Variants in ADCY9 observed in about 807,000 individuals in gnomAD.
ADCY9 encodes adenylate cyclase 9, also known as adenylate cyclase type 9.
In ADCY9, 50 loss-of-function variants were observed where a neutral mutation model predicts 101.5. The observed-to-expected ratio is 0.49, with a 90% CI of 0.39 to 0.62. The LOEUF (loss-of-function observed/expected upper bound fraction) is 0.62. Among genes scored for constraint, ADCY9 ranks in the 20% least tolerant of loss-of-function variants. The probability of loss-of-function intolerance (pLI) is 0.00; values close to 1 mark genes in which losing one functional copy is unlikely to be tolerated. For synonymous variants in ADCY9, 905 were observed against 769.3 expected (o/e 1.18, Z -2.92); for missense variants, 1,662 against 1,800.4 (o/e 0.92, Z 1.39).
rs762058083 is a variant in ADCY9, at chr16:4,115,099, C to T, written c.344G>A (p.Arg115Gln). The T allele has an allele frequency of 2.5e-6, 4 of 1,613,922 alleles. No homozygotes were observed. Among genetic ancestry groups the T allele is most frequent in the Non-Finnish European group, 3.4e-6 (4 of 1,180,038 alleles). Residue 115 changes from arginine to glutamine, a missense_variant, in exon 2 of 11, where the codon CGG becomes CAG. Arg to Gln is a conservative substitution (Grantham distance 43). Around this residue, in one of 5 missense-constraint regions of ADCY9, gnomAD observed 422 missense variants for 392.0 expected, o/e 1.08. Coordinates refer to ENST00000294016, the MANE Select transcript of ADCY9 (RefSeq NM_001116.4). The surrounding 1 kb of genome is among the most constrained non-coding windows in gnomAD (Gnocchi z 6.2). ...LERCFPQTQR[R>Q]FRYALFYIGF... Reference sequence around the variant, plus strand: ...GATGTAGAAGAGCGCATACCGGAACCGGCGCTGGGTCTGCGGGAAGCAGCG... The same window carrying T: ...GATGTAGAAGAGCGCATACCGGAACTGGCGCTGGGTCTGCGGGAAGCAGCG...
At chr16:3,971,471 G>A (rs1002850090) in intron 10 of ADCY9, among the ~76,000 whole-genome samples, 2 of 152,154 alleles carry the variant, frequency 1.3e-5, no homozygotes, top group Non-Finnish European at 2.9e-5. Context: ...AGTCCTCAGT[G>A]GGAAGACACC....
chr16:4,057,818 T>G (rs2056750192), intron 2 of ADCY9, among the ~76,000 whole-genome samples: 1 of 151,644 alleles, frequency 6.6e-6, no homozygotes, highest in Non-Finnish European at 1.5e-5. Flanking sequence ...GCTGCAAGAG[T>G]TGCTCCCAGC....
Position 4,114,386 on chromosome 16 carries a change from C to T in ADCY9, c.1057G>A (p.Glu353Lys), listed in dbSNP as rs369684993. Reference protein sequence around the residue: ...ADDLMKQGDEESENSVKRHAT... With the variant: ...ADDLMKQGDEKSENSVKRHAT... ...TGCCTCTTGACAGAATTCTCACTCT[C>T]CTCATCTCCCTGCTTCATTAAGTCA... The change falls in exon 2 of 11, where the codon GAG becomes AAG. Residue 353 changes from glutamate (E) to lysine (K), a missense_variant. Transcript: ENST00000294016. This position sits in a 1 kb window ranked among gnomAD's most constrained non-coding sequence, Gnocchi z 4.3. 20 of 1,613,968 alleles carry T rather than the reference C, an allele frequency of 1.2e-5. No individual in the cohort carries two copies. The African/African-American group carries it at 2.7e-4, about 22-fold the overall frequency.
chr16:4,078,104 T>C (rs1317322964), intron 2 of ADCY9, among the ~76,000 whole-genome samples: 3 of 152,032 alleles, frequency 2.0e-5, no homozygotes, highest in African/African-American at 7.2e-5. Flanking sequence ...TTAAACACAC[T>C]CATCATACAA....
intron 2 of ADCY9, among the ~76,000 whole-genome samples, chr16:4,039,269 C>T (rs1020001917): frequency 1.3e-5 from 2 of 152,198 alleles, no homozygotes; most frequent in Admixed American, 1.3e-4. Flanking sequence ...CTCAAACACC[C>T]ACCCCTTTCT....
intron 2 of ADCY9, among the ~76,000 whole-genome samples, chr16:4,065,368 A>G (rs1197649142): frequency 1.3e-5 from 2 of 152,210 alleles, no homozygotes; most frequent in East Asian, 3.8e-4. Flanking sequence ...TTCCTTTCAA[A>G]TACTTGATGC....
intron 2 of ADCY9, among the ~76,000 whole-genome samples, chr16:4,068,485 T>C (rs1033126806): frequency 2.6e-5 from 4 of 152,150 alleles, no homozygotes; most frequent in Non-Finnish European, 4.4e-5. Flanking sequence ...AATGAGATCA[T>C]GTTTTACATA....
chr16:4,088,298 T>G (rs1315148666), intron 2 of ADCY9, among the ~76,000 whole-genome samples: 5 of 151,988 alleles, frequency 3.3e-5, no homozygotes, highest in Non-Finnish European at 5.9e-5. Context: ...TGGTTTGTTT[T>G]TGTCTTTGTT....
intron 2 of ADCY9, among the ~76,000 whole-genome samples, chr16:4,105,096 G>A (rs1475353637): frequency 2.0e-5 from 3 of 151,624 alleles, no homozygotes; most frequent in African/African-American, 7.3e-5. Context: ...AACTTCAACC[G>A]TTTATTAATC....
chr16:4,082,310 T>C (rs1468520214), intron 2 of ADCY9, among the ~76,000 whole-genome samples: 3 of 151,874 alleles, frequency 2.0e-5, no homozygotes, highest in Non-Finnish European at 4.4e-5. Context: ...GCCCAGGAGA[T>C]CAAGGCTACA....
chr16:4,080,718 GTT>G (rs35038759), intron 2 of ADCY9, among the ~76,000 whole-genome samples: 1 of 143,694 alleles, frequency 7.0e-6, no homozygotes, highest in Non-Finnish European at 1.5e-5. Flanking sequence ...CATTTTTTTC[GTT>G]TTTTTTTTTT....
chr16:3,984,237 G>A (rs573544143), intron 6 of ADCY9: 1 of 152,386 alleles, frequency 6.6e-6, no homozygotes, highest in African/African-American at 2.4e-5. Context: ...CAATGTGCAG[G>A]GCGGTCCTGC....
At chr16:3,955,323 A>G (rs2238430) in intron 5 of ADCY9, among the ~76,000 whole-genome samples, 69,293 of 151,782 alleles carry the variant, frequency 0.46, 16,490 homozygotes, top group Non-Finnish European at 0.53. Flanking sequence ...CCAGGAGTTT[A>G]GGACTAGCCT....
intron 3 of ADCY9, among the ~76,000 whole-genome samples, chr16:4,001,392 G>A (rs1567432305): frequency 6.6e-6 from 1 of 152,230 alleles, no homozygotes; most frequent in Non-Finnish European, 1.5e-5. Flanking sequence ...ACTGAGGTTT[G>A]GGGTTTGCGG....
Position 4,114,793 on chromosome 16 carries a change from C to G in ADCY9, c.650G>C (p.Cys217Ser). Residue 217 changes from cysteine to serine, a missense_variant, in exon 2 of 11, where the codon TGC becomes TCC. Coordinates refer to ENST00000294016, the MANE Select transcript of ADCY9 (RefSeq NM_001116.4). The surrounding 1 kb of genome is among the most constrained non-coding windows in gnomAD (Gnocchi z 4.3). ...LTATARPTDTCLSQVGSFSMC... is the reference protein window; with the variant it reads ...LTATARPTDTSLSQVGSFSMC... ...GGAGAAGCTCCCCACTTGAGATAAG[C>G]AAGTATCTGTGGGCCGGGCTGTGGC... is the stretch of plus-strand genomic sequence containing the variant. 6 of 1,613,318 alleles carry G rather than the reference C, an allele frequency of 3.7e-6. No individual in the cohort carries two copies. Among genetic ancestry groups the G allele is most frequent in the Non-Finnish European group, 5.1e-6 (6 of 1,180,050 alleles).
intron 2 of ADCY9, among the ~76,000 whole-genome samples, chr16:4,024,229 G>A (rs1242983597): frequency 6.6e-6 from 1 of 151,934 alleles, no homozygotes; most frequent in Non-Finnish European, 1.5e-5. Context: ...CACCATGTTG[G>A]TCAGGCTCGT....
intron 2 of ADCY9, among the ~76,000 whole-genome samples, chr16:4,064,727 C>T (rs1007777964): frequency 2.0e-5 from 3 of 152,094 alleles, no homozygotes; most frequent in Non-Finnish European, 4.4e-5. Flanking sequence ...AATCCTCCCA[C>T]CTGGACCTCC....
intron 2 of ADCY9, among the ~76,000 whole-genome samples, chr16:4,025,905 A>G (rs3827526): frequency 6.6e-6 from 1 of 151,988 alleles, no homozygotes; most frequent in Non-Finnish European, 1.5e-5. Flanking sequence ...CTGGTGTAGA[A>G]TCACTCATGA....
rs2055993856 is a variant in ADCY9, at chr16:3,966,291, C to T, written c.3546G>A (p.Leu1182=). The T allele has an allele frequency of 6.2e-7, 1 of 1,614,198 alleles. No individual in the cohort carries two copies. Among genetic ancestry groups the T allele is most frequent in the Non-Finnish European group, 8.5e-7 (1 of 1,180,052 alleles). ...CGGTGTCTCCCCAGATGTCGTACAGCAGCTTGGTGGTGCCGATGACCCCGG... is the reference window on the plus strand; with the variant it reads ...CGGTGTCTCCCCAGATGTCGTACAGTAGCTTGGTGGTGCCGATGACCCCGG... ...LTAGVIGTTK[L]LYDIWGDTVN... Residue 1182 remains leucine, a synonymous_variant, in exon 11 of 11, where the codon CTG becomes CTA. Coordinates refer to ENST00000294016, the MANE Select transcript of ADCY9 (RefSeq NM_001116.4).
Sources: gnomAD v4.1 joint callset for allele counts (sites outside exome capture counted in the v4.1 genomes callset) on GRCh38, gnomAD v4.1.1 for gene constraint, gnomAD v4.1.1 regional missense constraint, Gnocchi (gnomAD v3.1) non-coding constraint, MANE v1.5 for transcripts, NCBI Gene and HGNC (gene_info 2026-07-23, HGNC 2026-07-21) for gene names.